The following CCDC85A variants were observed in gnomAD, a reference collection of about 807,000 sequenced individuals.
The protein encoded by CCDC85A is coiled-coil domain containing 85A, also known as coiled-coil domain-containing protein 85A.
Under a neutral mutation model 50.2 loss-of-function variants are expected in CCDC85A, and 38 were observed. That is an observed-to-expected ratio of 0.76 (90% confidence interval 0.58 to 0.99). The LOEUF is 0.99. Among genes scored for constraint, CCDC85A ranks in the 50% least tolerant of loss-of-function variants. CCDC85A has a pLI of 0.00. For missense variants in CCDC85A, 820 were observed against 742.0 expected (o/e 1.11, Z -1.22); for synonymous variants, 366 against 301.4 (o/e 1.21, Z -2.22).
chr2:56,283,990 T>C (rs1211399749), intron 2 of CCDC85A, among the ~76,000 whole-genome samples: 1 of 152,122 alleles, frequency 6.6e-6, no homozygotes, highest in Non-Finnish European at 1.5e-5. Context: ...ACCTTTTATC[T>C]TTTCTAAGTA....
chr2:56,336,192 C>A (rs541032094), intron 2 of CCDC85A, among the ~76,000 whole-genome samples: 1 of 151,782 alleles, frequency 6.6e-6, no homozygotes, highest in Admixed American at 6.6e-5. Flanking sequence ...TCACTCTTGT[C>A]CCCCCAGGCT....
At chr2:56,243,727 A>T (rs1669374712) in intron 2 of CCDC85A, among the ~76,000 whole-genome samples, 1 of 152,104 alleles carries the variant, frequency 6.6e-6, no homozygotes, top group Admixed American at 6.6e-5. Flanking sequence ...TGAAGAGAAG[A>T]TATTTACTGT....
At chr2:56,247,096 G>T (rs1669544263) in intron 2 of CCDC85A, among the ~76,000 whole-genome samples, 1 of 152,118 alleles carries the variant, frequency 6.6e-6, no homozygotes, top group Non-Finnish European at 1.5e-5. Flanking sequence ...TCAAAATGTG[G>T]TTATGCTATA....
At chr2:56,207,965 T>A (rs1473513349) in intron 2 of CCDC85A, among the ~76,000 whole-genome samples, 1 of 152,182 alleles carries the variant, frequency 6.6e-6, no homozygotes, top group Non-Finnish European at 1.5e-5. Flanking sequence ...CTTAATTAGA[T>A]AAAGGTGACT....
At chr2:56,334,419 T>C (rs1311629175) in intron 2 of CCDC85A, among the ~76,000 whole-genome samples, 2 of 152,220 alleles carry the variant, frequency 1.3e-5, no homozygotes, top group Admixed American at 6.5e-5. Flanking sequence ...TATTTTCATA[T>C]AGCATTTTTG....
chr2:56,356,801 G>C (rs904266644), intron 3 of CCDC85A, among the ~76,000 whole-genome samples: 1 of 151,514 alleles, frequency 6.6e-6, no homozygotes, highest in African/African-American at 2.4e-5. Flanking sequence ...CGGGCACGAT[G>C]GCTCATGCCT....
At chr2:56,266,522 T>G (rs1020567671) in intron 2 of CCDC85A, among the ~76,000 whole-genome samples, 1 of 142,268 alleles carries the variant, frequency 7.0e-6, no homozygotes, top group Non-Finnish European at 1.5e-5. Context: ...TATAGATGTA[T>G]CAAAACATCA....
intron 1 of CCDC85A, among the ~76,000 whole-genome samples, chr2:56,190,076 G>C (rs11695826): frequency 0.16 from 24,134 of 152,260 alleles, 2,354 homozygotes; most frequent in Non-Finnish European, 0.23. Context: ...ACTTTAGGAA[G>C]TGGAGGATGT....
intron 2 of CCDC85A, among the ~76,000 whole-genome samples, chr2:56,295,047 T>A (rs926118817): frequency 1.3e-5 from 2 of 152,226 alleles, no homozygotes; most frequent in African/African-American, 4.8e-5. Flanking sequence ...GTTTATGGCA[T>A]CCAGATTGCT....
At chr2:56,380,646 A>T (rs1282915694) in intron 5 of CCDC85A, among the ~76,000 whole-genome samples, 1 of 152,028 alleles carries the variant, frequency 6.6e-6, no homozygotes, top group Non-Finnish European at 1.5e-5. Context: ...ATAAATAAAT[A>T]AATAAAGATA....
At chr2:56,330,504 T>A (rs543697141) in intron 2 of CCDC85A, among the ~76,000 whole-genome samples, 5 of 152,164 alleles carry the variant, frequency 3.3e-5, no homozygotes, top group African/African-American at 1.2e-4. Flanking sequence ...ATGAGGGCCT[T>A]CCTCCCTCCC....
Position 56,183,999 on chromosome 2 carries a change from T to A in CCDC85A, c.-626T>A. On this transcript the variant is annotated 5_prime_UTR_variant, in exon 1 of 6. Coordinates refer to ENST00000407595, the MANE Select transcript of CCDC85A (RefSeq NM_001080433.2). ...CCCCCACCCTCCACCCCTTCTCGAC[T>A]CCGCTCTGCAAATCGAAGGCTTTCC... 1.0e-6 allele frequency: 1 copy of A among 985,550 alleles called. No individual in the cohort carries two copies. Among genetic ancestry groups the A allele is most frequent in the Non-Finnish European group, 1.2e-6 (1 of 830,104 alleles). 61.1% of individuals were successfully genotyped at this position (985,550 alleles called of 1,614,324 possible). A position where few individuals can be genotyped will look rare whatever the true frequency, so the allele number is the denominator to read the frequency against.
intron 2 of CCDC85A, among the ~76,000 whole-genome samples, chr2:56,306,088 C>G (rs1672430971): frequency 6.6e-6 from 1 of 152,164 alleles, no homozygotes; most frequent in Non-Finnish European, 1.5e-5. Flanking sequence ...AAGGCTGTGC[C>G]TGTCTCTCCT....
intron 2 of CCDC85A, among the ~76,000 whole-genome samples, chr2:56,218,261 A>G (rs567724862): frequency 1.5e-4 from 23 of 152,038 alleles, no homozygotes; most frequent in African/African-American, 4.8e-4. Flanking sequence ...GTAATCTCCA[A>G]TATTTTAAAG....
chr2:56,313,084 C>A (rs1672767686), intron 2 of CCDC85A, among the ~76,000 whole-genome samples: 1 of 152,060 alleles, frequency 6.6e-6, no homozygotes, highest in South Asian at 2.1e-4. Flanking sequence ...CCATTTGCAT[C>A]CTGAAAGTCT....
chr2:56,202,667 C>T (rs1446583393), intron 2 of CCDC85A, among the ~76,000 whole-genome samples: 1 of 152,224 alleles, frequency 6.6e-6, no homozygotes, highest in Admixed American at 6.5e-5. Flanking sequence ...CTGATTTATG[C>T]TACTATAGGC....
chr2:56,275,546 G>T lies in CCDC85A; in HGVS notation c.1241-67333G>T, dbSNP rs529590435. 9.9e-5 allele frequency among the ~76,000 whole-genome samples: 15 copies of T among 152,202 alleles called. No individual in the cohort carries two copies. In the South Asian group the frequency reaches 3.1e-3, roughly 32 times the overall value. On this transcript the variant is annotated intron_variant, in intron 2 of 5. Transcript: ENST00000407595. ...TTTAATAAATTTTCACTTTTTCGCT[G>T]TTTGTCCACATTCTGTATTTACATC...
intron 2 of CCDC85A, among the ~76,000 whole-genome samples, chr2:56,217,873 C>A (rs903247395): frequency 6.6e-6 from 1 of 151,660 alleles, no homozygotes; most frequent in Non-Finnish European, 1.5e-5. Flanking sequence ...TTTTGTTAGT[C>A]ATAATTATCT....
intron 2 of CCDC85A, among the ~76,000 whole-genome samples, chr2:56,337,572 A>G (rs955157010): frequency 6.6e-6 from 1 of 152,074 alleles, no homozygotes; most frequent in African/African-American, 2.4e-5. Context: ...GCCCAGGTCC[A>G]TCTGTGGCTC....
Sources: gnomAD v4.1 joint callset for allele counts (sites outside exome capture counted in the v4.1 genomes callset) on GRCh38, gnomAD v4.1.1 for gene constraint, MANE v1.5 for transcripts, NCBI Gene and HGNC (gene_info 2026-07-23, HGNC 2026-07-21) for gene names.